RAB27A: variants seen among roughly 807,000 people sequenced by gnomAD.
RAB27A encodes RAB27A, member RAS oncogene family.
RAB27A carries 17 observed loss-of-function variants against 20.8 expected under a neutral mutation model. That is an observed-to-expected ratio of 0.82 (90% CI 0.56 to 1.23). The LOEUF (loss-of-function observed/expected upper bound fraction) is 1.23, where lower values mean the gene tolerates loss of function less well. Among genes scored for constraint, RAB27A ranks in the 50% most tolerant of loss-of-function variants. RAB27A has a pLI of 0.00. For synonymous variants in RAB27A, 85 were observed against 92.8 expected (o/e 0.92, Z 0.48); for missense variants, 277 against 266.7 (o/e 1.04, Z -0.27).
chr15:55,225,592 G>C (rs993289513), intron 5 of RAB27A, among the ~76,000 whole-genome samples: 11 of 152,142 alleles, frequency 7.2e-5, no homozygotes, highest in Admixed American at 5.2e-4. Flanking sequence ...ATTCACATTT[G>C]AGAACTACTA....
At chr15:55,310,394 T>C (rs2055015174) in intron 2 of RAB27A, among the ~76,000 whole-genome samples, 1 of 152,202 alleles carries the variant, frequency 6.6e-6, no homozygotes, top group Non-Finnish European at 1.5e-5. Context: ...CCCTCAGTCC[T>C]GCTGCTGGAT....
chr15:55,277,240 A>C lies in RAB27A; in HGVS notation c.-142-6956T>G, dbSNP rs1245175348. On this transcript the variant is annotated intron_variant, in intron 1 of 6. Coordinates refer to ENST00000336787, the MANE Select transcript of RAB27A (RefSeq NM_183235.3). ...TGTCATTTAGAGACTAGATGTATAA[A>C]CTACTGCAAGACTTCAGTGGTTAAC... 4.6e-5 allele frequency among the ~76,000 whole-genome samples: 7 copies of C among 152,204 alleles called. No individual in the cohort carries two copies. The East Asian group carries it at 9.6e-4, about 21-fold the overall frequency.
intron 2 of RAB27A, among the ~76,000 whole-genome samples, chr15:55,306,541 C>A (rs1190523839): frequency 6.6e-6 from 1 of 152,166 alleles, no homozygotes; most frequent in East Asian, 1.9e-4. Context: ...CCCTATCAGA[C>A]ATACCAGTAT....
chr15:55,269,901 A>C (rs1409958063), intron 2 of RAB27A: 1 of 152,218 alleles, frequency 6.6e-6, no homozygotes, highest in South Asian at 2.1e-4. Context: ...AATTTCCTGA[A>C]AGTAAAAACC....
intron 2 of RAB27A, among the ~76,000 whole-genome samples, chr15:55,252,305 A>G (rs532453051): frequency 6.6e-6 from 1 of 152,114 alleles, no homozygotes. Flanking sequence ...ATTTACCACT[A>G]TATTATTCAT....
intron 1 of RAB27A, among the ~76,000 whole-genome samples, chr15:55,273,944 A>C (rs910445859): frequency 2.6e-5 from 4 of 152,230 alleles, no homozygotes; most frequent in Admixed American, 6.5e-5. Flanking sequence ...AGGAGAATAT[A>C]CATTCTTCTC....
intron 2 of RAB27A, among the ~76,000 whole-genome samples, chr15:55,297,547 C>T (rs1386651637): frequency 6.6e-6 from 1 of 152,240 alleles, no homozygotes; most frequent in Non-Finnish European, 1.5e-5. Context: ...TTCTGCAGGC[C>T]ATTCAGCTGG....
At chr15:55,206,996 C>T (rs1170274982) in intron 6 of RAB27A, among the ~76,000 whole-genome samples, 1 of 152,004 alleles carries the variant, frequency 6.6e-6, no homozygotes, top group Non-Finnish European at 1.5e-5. Flanking sequence ...TAATACAAAA[C>T]AGACTAAGGA....
At chr15:55,301,645 CTTT>C (rs754262049) in intron 2 of RAB27A, among the ~76,000 whole-genome samples, 7 of 117,600 alleles carry the variant, frequency 6.0e-5, no homozygotes, top group Admixed American at 9.7e-5. Flanking sequence ...CCCTAAAAAT[CTTT>C]TTTTTTTTTT....
chr15:55,209,452 T>G (rs553185467), intron 6 of RAB27A, among the ~76,000 whole-genome samples: 2 of 152,186 alleles, frequency 1.3e-5, no homozygotes, highest in African/African-American at 4.8e-5. Context: ...CCATCCAAGC[T>G]GCTGCAAATG....
At chr15:55,274,549 G>A (rs544539689) in intron 1 of RAB27A, among the ~76,000 whole-genome samples, 3 of 151,002 alleles carry the variant, frequency 2.0e-5, no homozygotes, top group Non-Finnish European at 4.4e-5. Flanking sequence ...AGGCCAAGGC[G>A]TGCGTATAAC....
chr15:55,214,776 T>G (rs1342429821), intron 6 of RAB27A, among the ~76,000 whole-genome samples: 1 of 152,128 alleles, frequency 6.6e-6, no homozygotes, highest in East Asian at 1.9e-4. Flanking sequence ...GAAGAGGCAA[T>G]CCTTTGTGAC....
chr15:55,267,136 C>T (rs1201441824), intron 2 of RAB27A, among the ~76,000 whole-genome samples: 2 of 152,122 alleles, frequency 1.3e-5, no homozygotes, highest in Non-Finnish European at 2.9e-5. Context: ...TGGGCCTTCT[C>T]CGTGTGAAAA....
chr15:55,219,657 T>C (rs953175112), intron 6 of RAB27A, among the ~76,000 whole-genome samples: 1 of 152,336 alleles, frequency 6.6e-6, no homozygotes, highest in Admixed American at 6.5e-5. Flanking sequence ...CAATATTTCA[T>C]TCAGCTTTCT....
intron 6 of RAB27A, among the ~76,000 whole-genome samples, chr15:55,219,804 A>G (rs1374677890): frequency 6.6e-6 from 1 of 152,224 alleles, no homozygotes; most frequent in African/African-American, 2.4e-5. Context: ...CATTGACAAT[A>G]TCACTCAATA....
intron 5 of RAB27A, among the ~76,000 whole-genome samples, chr15:55,224,406 T>G (rs1468660914): frequency 6.6e-6 from 1 of 152,242 alleles, no homozygotes; most frequent in East Asian, 1.9e-4. Flanking sequence ...TTTTTATGTG[T>G]TTTTTTCTCC....
At chr15:55,291,298 CA>C (rs1898298763), upstream of RAB27A, among the ~76,000 whole-genome samples, 1 of 152,064 alleles carries the variant, frequency 6.6e-6, no homozygotes, top group Admixed American at 6.5e-5. Context: ...ATCACGAAGT[CA>C]GGAGATCGAG....
Position 55,206,338 on chromosome 15 carries a change from T to C in RAB27A, c.468-633A>G, listed in dbSNP as rs1007467646. ...GAAGACAGAGACAGAATTAAATCTT[T>C]TTTCGTTTAAGTTTTTGGAGGGTTT... On this transcript the variant is annotated intron_variant, in intron 6 of 6. Coordinates refer to ENST00000336787, the MANE Select transcript of RAB27A (RefSeq NM_183235.3). 11 of 770,344 alleles carry C rather than the reference T, an allele frequency of 1.4e-5. No homozygotes were observed. In the African/African-American group the frequency reaches 2.1e-4, roughly 15 times the overall value. 47.7% of individuals were successfully genotyped at this position (770,344 alleles called of 1,614,324 possible).
At chr15:55,311,124 CCTGA>C (rs1445713171) in intron 2 of RAB27A, among the ~76,000 whole-genome samples, 1 of 152,278 alleles carries the variant, frequency 6.6e-6, no homozygotes, top group East Asian at 1.9e-4. Context: ...CTATCATTGA[CCTGA>C]CTGAGATACC....
Sources: gnomAD v4.1 joint callset for allele counts (sites outside exome capture counted in the v4.1 genomes callset) on GRCh38, gnomAD v4.1.1 for gene constraint, MANE v1.5 for transcripts, NCBI Gene and HGNC (gene_info 2026-07-23, HGNC 2026-07-21) for gene names.